Variants in PXDNL observed in about 807,000 individuals in gnomAD.
PXDNL encodes the protein probable oxidoreductase PXDNL.
Under a neutral mutation model 150.8 loss-of-function variants are expected in PXDNL, and 145 were observed. That is an observed-to-expected ratio of 0.96 (90% CI 0.84 to 1.10). PXDNL has a LOEUF of 1.10. Ranked by LOEUF, PXDNL falls within the 50% of genes least tolerant of loss-of-function variation. PXDNL has a pLI of 0.00. For synonymous variants in PXDNL, 757 were observed against 725.7 expected (o/e 1.04, Z -0.69); for missense variants, 2,087 against 1,873.9 (o/e 1.11, Z -2.10).
intron 21 of PXDNL, among the ~76,000 whole-genome samples, chr8:51,322,625 G>A (rs1805359516): frequency 6.6e-6 from 1 of 152,186 alleles, no homozygotes; most frequent in African/African-American, 2.4e-5. Flanking sequence ...GAAGGAGGGA[G>A]TGAGACAAAA....
chr8:51,607,720 G>A (rs1281525088), intron 2 of PXDNL, among the ~76,000 whole-genome samples: 1 of 147,852 alleles, frequency 6.8e-6, no homozygotes, highest in African/African-American at 2.6e-5. Context: ...CATGCCTGTA[G>A]TCCCACCTAC....
At chr8:51,485,536 C>T (rs1178332510) in intron 5 of PXDNL, among the ~76,000 whole-genome samples, 4 of 152,154 alleles carry the variant, frequency 2.6e-5, no homozygotes, top group African/African-American at 9.7e-5. Context: ...ATTCCTCATC[C>T]CCATCATTTC....
chr8:51,642,573 A>G (rs902652080), intron 2 of PXDNL, among the ~76,000 whole-genome samples: 2 of 152,134 alleles, frequency 1.3e-5, no homozygotes, highest in African/African-American at 2.4e-5. Context: ...TGACAAACCC[A>G]CAGCCAATAT....
rs2037552585 is a variant in PXDNL, at chr8:51,795,644, G to A, written c.164+13537C>T. Among the ~76,000 whole-genome samples the A allele has an allele frequency of 1.3e-5, 2 of 152,182 alleles. 1 individual carries two copies. The highest frequency in any genetic ancestry group is 4.1e-4 in the South Asian group (2 of 4,834). ...CCACAATCTCTGGGACACAGCTAAA[G>A]CAGTGTTAAGAGGCAAATTTATAGC... On this transcript the variant is annotated intron_variant, in intron 1 of 22. Transcript: ENST00000356297.
intron 3 of PXDNL, among the ~76,000 whole-genome samples, chr8:51,591,624 A>AT (rs548902313): frequency 0.059 from 8,644 of 147,048 alleles, 547 homozygotes; most frequent in African/African-American, 0.16. Flanking sequence ...TCGCCTTAGC[A>AT]TTTTTTTTTT....
At chr8:51,718,086 G>C (rs1311457030) in intron 1 of PXDNL, among the ~76,000 whole-genome samples, 1 of 151,992 alleles carries the variant, frequency 6.6e-6, no homozygotes, top group Non-Finnish European at 1.5e-5. Flanking sequence ...TGTCTTAAAT[G>C]TCTTGCTTTT....
At chr8:51,398,505 A>G (rs1013091077) in intron 17 of PXDNL, among the ~76,000 whole-genome samples, 1 of 152,250 alleles carries the variant, frequency 6.6e-6, no homozygotes, top group South Asian at 2.1e-4. Context: ...GCAGCCAGAC[A>G]GCAGCTTGCC....
At chr8:51,576,198 C>CAAAAAAAAA (rs35166901) in intron 3 of PXDNL, among the ~76,000 whole-genome samples, 2 of 109,352 alleles carry the variant, frequency 1.8e-5, no homozygotes, top group African/African-American at 6.0e-5. Flanking sequence ...AACACTGCTC[C>CAAAAAAAAA]AAAAAAAAAA....
intron 17 of PXDNL, among the ~76,000 whole-genome samples, chr8:51,377,800 C>T (rs370997361): frequency 1.0e-3 from 157 of 152,336 alleles, no homozygotes; most frequent in African/African-American, 3.5e-3. Flanking sequence ...GAGCCTCCCC[C>T]ACACCGCGGG....
intron 21 of PXDNL, among the ~76,000 whole-genome samples, chr8:51,339,055 G>A (rs907979388): frequency 5.3e-5 from 8 of 152,296 alleles, no homozygotes; most frequent in African/African-American, 1.2e-4. Flanking sequence ...AGCCAGTGCC[G>A]ACCAAATTCA....
intron 3 of PXDNL, among the ~76,000 whole-genome samples, chr8:51,574,092 T>C (rs1332542003): frequency 2.0e-5 from 3 of 151,844 alleles, no homozygotes; most frequent in African/African-American, 7.3e-5. Context: ...AACAGCAAGA[T>C]GACAGAGACG....
chr8:51,372,092 A>T lies in PXDNL; in HGVS notation c.3693-11T>A. 6.8e-7 allele frequency: 1 copy of T among 1,480,228 alleles called. No individual in the cohort carries two copies. The highest frequency in any genetic ancestry group is 9.1e-7 in the Non-Finnish European group (1 of 1,098,188). The allele number at this position is 1,480,228 out of a possible 1,614,324, so 91.7% of individuals were successfully genotyped here. Reference sequence around the variant, plus strand: ...TTTTCATACCAGAACCTGGTAGTCAACCAAAAAAAAAACATTGTCGTGGGT... The same window carrying T: ...TTTTCATACCAGAACCTGGTAGTCATCCAAAAAAAAAACATTGTCGTGGGT... On this transcript the variant is annotated splice_polypyrimidine_tract_variant and intron_variant, in intron 18 of 22. Coordinates refer to ENST00000356297, the MANE Select transcript of PXDNL (RefSeq NM_144651.5).
intron 1 of PXDNL, among the ~76,000 whole-genome samples, chr8:51,802,500 T>TTGTTAG (rs1268049577): frequency 6.6e-6 from 1 of 152,158 alleles, no homozygotes; most frequent in East Asian, 1.9e-4. Context: ...TTATCAGCTA[T>TTGTTAG]TGTTAGTGTT....
chr8:51,794,564 T>C (rs2037542651), intron 1 of PXDNL, among the ~76,000 whole-genome samples: 1 of 152,156 alleles, frequency 6.6e-6, no homozygotes, highest in Admixed American at 6.5e-5. Flanking sequence ...CAAACTAAGC[T>C]TCATAAGCAA....
At chr8:51,651,272 A>T (rs1411261296) in intron 2 of PXDNL, among the ~76,000 whole-genome samples, 1 of 152,226 alleles carries the variant, frequency 6.6e-6, no homozygotes, top group Admixed American at 6.5e-5. Flanking sequence ...TAGAATAAAC[A>T]CACATAGATG....
intron 2 of PXDNL, among the ~76,000 whole-genome samples, chr8:51,645,449 C>T (rs1398660791): frequency 6.6e-6 from 1 of 152,152 alleles, no homozygotes; most frequent in Admixed American, 6.5e-5. Flanking sequence ...CATATAACAT[C>T]TATTTAGAGG....
chr8:51,530,753 A>AG (rs2130429303), intron 4 of PXDNL, among the ~76,000 whole-genome samples: 1 of 152,258 alleles, frequency 6.6e-6, no homozygotes, highest in African/African-American at 2.4e-5. Flanking sequence ...TCCTGCTGTG[A>AG]GGGCTTCCCT....
intron 1 of PXDNL, among the ~76,000 whole-genome samples, chr8:51,656,640 T>C (rs188331863): frequency 6.6e-6 from 1 of 152,240 alleles, no homozygotes; most frequent in African/African-American, 2.4e-5. Flanking sequence ...AGATAAACCA[T>C]TTTCCTTATT....
chr8:51,548,153 G>T (rs913709731), intron 4 of PXDNL, among the ~76,000 whole-genome samples: 3 of 146,672 alleles, frequency 2.0e-5, no homozygotes, highest in Non-Finnish European at 4.5e-5. Context: ...AAAGAAAAAA[G>T]AATTTTAAAA....
Sources: allele counts gnomAD v4.1 joint callset (sites outside exome capture counted in the v4.1 genomes callset), GRCh38; gene constraint gnomAD v4.1.1; transcripts MANE v1.5; gene names NCBI Gene and HGNC (gene_info 2026-07-23, HGNC 2026-07-21).